KIR2DL3: variants seen among roughly 807,000 people sequenced by gnomAD.
The protein encoded by KIR2DL3 is killer cell immunoglobulin like receptor, two Ig domains and long cytoplasmic tail 3.
Under a neutral mutation model 33.8 loss-of-function variants are expected in KIR2DL3, and 39 were observed. The ratio of observed to expected loss-of-function variants is 1.15; its 90% confidence interval spans 0.89 to 1.51. The LOEUF (loss-of-function observed/expected upper bound fraction) is 1.51. KIR2DL3 is among the 40% of genes most tolerant of loss of function. KIR2DL3 has a pLI of 0.00. For synonymous variants in KIR2DL3, 174 were observed against 160.2 expected, an observed-to-expected ratio of 1.09 and a Z score of -0.65; for missense variants, 462 against 426.2, an observed-to-expected ratio of 1.08 and a Z score of -0.74.
At chr19:54,750,597 C>T (rs1437059960) in intron 5 of KIR2DL3, among the ~76,000 whole-genome samples, 6 of 136,924 alleles carry the variant, frequency 4.4e-5, no homozygotes, top group South Asian at 5.0e-4. Flanking sequence ...AAAGCACATT[C>T]GCTGTGTATC....
intron 4 of KIR2DL3, among the ~76,000 whole-genome samples, chr19:54,744,942 ATATATATATATATTTTTTTTTTTTT>A (rs2072149325): frequency 4.1e-5 from 1 of 24,218 alleles, no homozygotes; most frequent in African/African-American, 1.3e-4. Context: ...ATATATATAT[ATATATATATATATTTTTTTTTTTTT>A]TTTTTTTTTT....
rs1407076476 is a variant in KIR2DL3 at position 54,742,056 on chromosome 19, T to A, written c.147T>A (p.Cys49Ter). The A allele has an allele frequency of 6.2e-7, 1 of 1,613,270 alleles. No homozygotes were observed. The highest frequency in any genetic ancestry group is 1.1e-5 in the South Asian group (1 of 90,986). ...CAGAAGAGACAGTCATCCTGCAATG[T>A]TGGTCAGATGTCAGGTTTCAGCACT... is the stretch of plus-strand genomic sequence containing the variant. ...VKSEETVILQ[C>*]WSDVRFQHFL... The change falls in exon 3 of 8, where the codon TGT becomes TGA. Residue 49 changes from cysteine to a stop codon, truncating the protein, a stop_gained. Coordinates refer to ENST00000342376, the MANE Select transcript of KIR2DL3 (RefSeq NM_015868.3). LOFTEE classifies it high-confidence loss of function.
chr19:54,750,510 C>G (rs572551176), intron 5 of KIR2DL3, among the ~76,000 whole-genome samples: 1 of 138,776 alleles, frequency 7.2e-6, no homozygotes, highest in South Asian at 2.4e-4. Context: ...CTTTTTTTAT[C>G]TTGATTTCAC....
intron 5 of KIR2DL3, among the ~76,000 whole-genome samples, chr19:54,751,337 G>A (rs555312041): frequency 2.3e-5 from 3 of 132,536 alleles, no homozygotes; most frequent in Non-Finnish European, 4.9e-5. Context: ...GCATTGGTCT[G>A]TTCATGATGG....
At chr19:54,739,782 G>A (rs2070667918) in intron 2 of KIR2DL3, among the ~76,000 whole-genome samples, 7 of 152,266 alleles carry the variant, frequency 4.6e-5, no homozygotes. Context: ...GGAAGTGGTA[G>A]GAACAGCAGA....
At chr19:54,748,932 T>A (rs1239167404) in intron 5 of KIR2DL3, among the ~76,000 whole-genome samples, 1 of 150,822 alleles carries the variant, frequency 6.6e-6, no homozygotes, top group Non-Finnish European at 1.5e-5. Flanking sequence ...CAGCCAGAAT[T>A]CAAAATCAAT....
intron 4 of KIR2DL3, among the ~76,000 whole-genome samples, chr19:54,744,715 G>C (rs1456338678): frequency 6.7e-6 from 1 of 149,564 alleles, no homozygotes; most frequent in African/African-American, 2.5e-5. Flanking sequence ...TTAGTAGAGA[G>C]GGGGTTTCAC....
chr19:54,742,228 T>C lies in KIR2DL3; in HGVS notation c.319T>C (p.Ser107Pro), dbSNP rs1280946979. Residue 107 changes from serine (S) to proline (P), a missense_variant, in exon 3 of 8, where the codon TCC (serine) becomes CCC (proline). Coordinates refer to ENST00000342376, the MANE Select transcript of KIR2DL3 (RefSeq NM_015868.3). ...CAGATGCTACGGTTCTGTTACTCAC[T>C]CCCCCTATCAGTTGTCAGCTCCCAG... is the stretch of plus-strand genomic sequence containing the variant. The part of the protein sequence containing the change: ...TYRCYGSVTH[S>P]PYQLSAPSDP... 1.2e-6 allele frequency: 2 copies of C among 1,613,982 alleles called. No individual in the cohort carries two copies. Among genetic ancestry groups the C allele is most frequent in the Admixed American group, 1.7e-5 (1 of 60,006 alleles).
chr19:54,744,870 TTATATATATATATATATA>T (rs1185648350), intron 4 of KIR2DL3, among the ~76,000 whole-genome samples: 2 of 78,426 alleles, frequency 2.6e-5, no homozygotes, highest in Non-Finnish European at 5.1e-5. Context: ...ATAAATACAT[TTATATATATATATATATA>T]TATATATATA....
rs746284253 is a variant in KIR2DL3, at chr19:54,751,722, T to C, written c.789T>C (p.Phe263=). Reference sequence around the variant, plus strand: ...TCCTCTTCATCCTCCTCCTCTTCTTTCTCCTTCATCGCTGGTGCTGCAACA... The same window carrying C: ...TCCTCTTCATCCTCCTCCTCTTCTTCCTCCTTCATCGCTGGTGCTGCAACA... ...VIILFILLLF[F]LLHRWCCNKK... The change falls in exon 6 of 8, where the codon TTT becomes TTC. Residue 263 remains phenylalanine (F), a synonymous_variant. Coordinates refer to ENST00000342376, the MANE Select transcript of KIR2DL3 (RefSeq NM_015868.3). 28 of 1,471,384 alleles carry C rather than the reference T, an allele frequency of 1.9e-5. 2 individuals carry two copies. The highest frequency in any genetic ancestry group is 1.4e-4 in the East Asian group (6 of 44,290). The allele number at this position is 1,471,384 out of a possible 1,614,324, so 91.1% of individuals were successfully genotyped here. A position where few individuals can be genotyped will look rare whatever the true frequency, so the allele number is the denominator to read the frequency against.
Position 54,747,234 on chromosome 19 carries a change from T to C in KIR2DL3, c.665-101T>C, listed in dbSNP as rs1316473088. 22 of 1,448,998 alleles carry C rather than the reference T, an allele frequency of 1.5e-5. No individual in the cohort carries two copies. In the Middle Eastern group the frequency reaches 6.0e-4, roughly 40 times the overall value. The allele number at this position is 1,448,998 out of a possible 1,614,324, so 89.8% of individuals were successfully genotyped here. A position where few individuals can be genotyped will look rare whatever the true frequency, so the allele number is the denominator to read the frequency against. On this transcript the variant is annotated intron_variant, in intron 4 of 7. Coordinates refer to ENST00000342376, the MANE Select transcript of KIR2DL3 (RefSeq NM_015868.3). ...ATCCCAGGACTCCCAGGGCCCAATA[T>C]TAGATAACAGAGTGTTGGCCATGAA... is the stretch of plus-strand genomic sequence containing the variant.
intron 1 of KIR2DL3, 118 bp downstream of exon 1, chr19:54,738,697 AG>A: frequency 1.2e-6 from 1 of 815,556 alleles, no homozygotes. Flanking sequence ...TGGGCCTAGA[AG>A]TGGAGATCTG....
chr19:54,744,163 A>T, intron 4 of KIR2DL3, 75 bp downstream of exon 4: 1 of 1,592,164 alleles, frequency 6.3e-7, no homozygotes, highest in East Asian at 2.2e-5. Context: ...CTGATGATGG[A>T]GAGAAGCATG....
chr19:54,741,535 C>A (rs1382642748), intron 2 of KIR2DL3, among the ~76,000 whole-genome samples: 3 of 151,988 alleles, frequency 2.0e-5, no homozygotes, highest in Non-Finnish European at 4.4e-5. Context: ...AGAGTGGCTC[C>A]CAGTCCCCAC....
chr19:54,739,887 G>GA (rs1218944511), intron 2 of KIR2DL3, among the ~76,000 whole-genome samples: 2 of 152,234 alleles, frequency 1.3e-5, no homozygotes, highest in East Asian at 1.9e-4. Flanking sequence ...GAAGAGGTGG[G>GA]AAACCACAGC....
intron 5 of KIR2DL3, among the ~76,000 whole-genome samples, chr19:54,749,960 T>G (rs2073165536): frequency 8.3e-6 from 1 of 120,638 alleles, no homozygotes; most frequent in South Asian, 3.2e-4. Context: ...CAAAGGCACC[T>G]GAATTCCAAT....
At chr19:54,740,783 G>A (rs1366317215) in intron 2 of KIR2DL3, among the ~76,000 whole-genome samples, 4 of 152,092 alleles carry the variant, frequency 2.6e-5, no homozygotes, top group African/African-American at 9.7e-5. Flanking sequence ...AGGGACTGAA[G>A]GGGAAGATGG....
Position 54,742,205 on chromosome 19 carries a change from G to T in KIR2DL3, c.296G>T (p.Arg99Ile), listed in dbSNP as rs774099153. Residue 99 changes from arginine to isoleucine, a missense_variant, in exon 3 of 8, where the codon AGA becomes ATA. Coordinates refer to ENST00000342376, the MANE Select transcript of KIR2DL3 (RefSeq NM_015868.3). ...PMMQDLAGTY[R>I]CYGSVTHSPY... is the part of the protein sequence containing the mutation. ...ATGCAAGACCTTGCAGGGACCTACA[G>T]ATGCTACGGTTCTGTTACTCACTCC... The T allele has an allele frequency of 4.3e-6, 7 of 1,614,052 alleles. No individual in the cohort carries two copies. The East Asian group carries it at 1.3e-4, about 31-fold the overall frequency.
rs1287899900 is a variant in KIR2DL3 at position 54,751,060 on chromosome 19, T to G, written c.716-589T>G. ...AAAGGAACACTTGAGCCTGGGTAAC[T>G]TCTAGAGAAAAGAGATTGGTTTGCC... is the stretch of plus-strand genomic sequence containing the variant. On this transcript the variant is annotated intron_variant, in intron 5 of 7. Coordinates refer to ENST00000342376, the MANE Select transcript of KIR2DL3 (RefSeq NM_015868.3). Among the ~76,000 whole-genome samples the G allele has an allele frequency of 1.5e-5, 2 of 132,970 alleles. 1 individual carries two copies. The highest frequency in any genetic ancestry group is 1.6e-4 in the Admixed American group (2 of 12,812). 87.2% of individuals were successfully genotyped at this position (132,970 alleles called of 152,430 possible).
Sources: gnomAD v4.1 joint callset for allele counts (sites outside exome capture counted in the v4.1 genomes callset) on GRCh38, gnomAD v4.1.1 for gene constraint, MANE v1.5 for transcripts, NCBI Gene and HGNC (gene_info 2026-07-23, HGNC 2026-07-21) for gene names.